PLCL1: variants seen among roughly 807,000 people sequenced by gnomAD.
PLCL1 encodes inactive phospholipase C-like protein 1.
PLCL1 carries 41 observed loss-of-function variants against 84.4 expected under a neutral mutation model. That is an observed-to-expected ratio of 0.49 (90% CI 0.38 to 0.63). PLCL1 has a LOEUF of 0.63. Ranked by LOEUF, PLCL1 falls within the 30% of genes least tolerant of loss-of-function variation. The pLI, the probability that PLCL1 is intolerant of heterozygous loss-of-function variation, is 0.00. For synonymous variants in PLCL1, 490 were observed against 488.3 expected (o/e 1.00, Z -0.05); for missense variants, 1,206 against 1,367.8 (o/e 0.88, Z 1.87).
At chr2:198,061,019 T>C (rs1006468471) in intron 1 of PLCL1, among the ~76,000 whole-genome samples, 1 of 152,192 alleles carries the variant, frequency 6.6e-6, no homozygotes, top group African/African-American at 2.4e-5. Flanking sequence ...TAAGCTACTT[T>C]GGGGGTAAAC....
chr2:197,938,088 G>A (rs1689084419), intron 1 of PLCL1, among the ~76,000 whole-genome samples: 1 of 152,140 alleles, frequency 6.6e-6, no homozygotes, highest in Admixed American at 6.5e-5. Context: ...CATTTTACAA[G>A]TTTAAATTTC....
chr2:197,836,488 T>C lies in PLCL1; in HGVS notation c.240+31149T>C, dbSNP rs1476176700. Among the ~76,000 whole-genome samples, 5 of 151,418 alleles carry C rather than the reference T, an allele frequency of 3.3e-5. No individual in the cohort carries two copies. In the East Asian group the frequency reaches 9.7e-4, roughly 29 times the overall value. On this transcript the variant is annotated intron_variant, in intron 1 of 5. Coordinates refer to ENST00000428675, the MANE Select transcript of PLCL1 (RefSeq NM_006226.4). ...AAAAAAAAAAAAAAATCCTTACCTT[T>C]TGTTCAATTCACTGTCTGTCACTTC...
At chr2:198,057,192 G>A (rs1410025270) in intron 1 of PLCL1, among the ~76,000 whole-genome samples, 1 of 152,048 alleles carries the variant, frequency 6.6e-6, no homozygotes, top group African/African-American at 2.4e-5. Flanking sequence ...TAGAGTCCTC[G>A]ATGTGATTGT....
chr2:197,877,961 A>G (rs974305376), intron 1 of PLCL1, among the ~76,000 whole-genome samples: 3 of 152,156 alleles, frequency 2.0e-5, no homozygotes, highest in Admixed American at 1.3e-4. Flanking sequence ...GTTAAGAACC[A>G]TTGATTAAAC....
At chr2:197,975,834 C>A (rs1276460197) in intron 1 of PLCL1, among the ~76,000 whole-genome samples, 1 of 152,016 alleles carries the variant, frequency 6.6e-6, no homozygotes, top group Non-Finnish European at 1.5e-5. Context: ...ACAACAACAA[C>A]AACGACAACA....
intron 5 of PLCL1, among the ~76,000 whole-genome samples, chr2:198,126,032 G>A (rs1044072693): frequency 6.6e-6 from 1 of 152,006 alleles, no homozygotes; most frequent in African/African-American, 2.4e-5. Flanking sequence ...GGATAACAAA[G>A]TTTTAAAATC....
At chr2:197,988,768 A>G (rs867517937) in intron 1 of PLCL1, among the ~76,000 whole-genome samples, 78 of 152,260 alleles carry the variant, frequency 5.1e-4, no homozygotes, top group African/African-American at 1.8e-3. Context: ...CGGATGGTAG[A>G]TCAATTTTTA....
At chr2:198,037,857 A>C (rs1461691907) in intron 1 of PLCL1, among the ~76,000 whole-genome samples, 1 of 152,174 alleles carries the variant, frequency 6.6e-6, no homozygotes, top group Non-Finnish European at 1.5e-5. Context: ...GTTATTAAAT[A>C]AGGTGAGGGT....
At chr2:197,907,974 G>A (rs911494988) in intron 1 of PLCL1, among the ~76,000 whole-genome samples, 1 of 152,172 alleles carries the variant, frequency 6.6e-6, no homozygotes, top group Non-Finnish European at 1.5e-5. Flanking sequence ...TTGTACAAGA[G>A]GGTCATCTTT....
chr2:197,979,723 T>C (rs550826538), intron 1 of PLCL1, among the ~76,000 whole-genome samples: 1 of 152,316 alleles, frequency 6.6e-6, no homozygotes, highest in East Asian at 1.9e-4. Context: ...CCCAGCCACA[T>C]TGAGATTTTC....
chr2:197,924,692 G>A (rs1272291450), intron 1 of PLCL1, among the ~76,000 whole-genome samples: 1 of 151,850 alleles, frequency 6.6e-6, no homozygotes, highest in African/African-American at 2.4e-5. Context: ...AGGCCTGCCT[G>A]TCAGCACAGG....
chr2:197,922,628 G>C (rs1376270228), intron 1 of PLCL1, among the ~76,000 whole-genome samples: 1 of 143,982 alleles, frequency 6.9e-6, no homozygotes, highest in Non-Finnish European at 1.5e-5. Flanking sequence ...CGGGGCGGCT[G>C]GCCGGGCAGG....
At chr2:198,105,816 T>A (rs1167352248) in intron 5 of PLCL1, among the ~76,000 whole-genome samples, 1 of 151,940 alleles carries the variant, frequency 6.6e-6, no homozygotes, top group East Asian at 1.9e-4. Flanking sequence ...AATACATTTC[T>A]TTTTGCAAAT....
rs1190977915 is a variant in PLCL1 at position 198,089,017 on chromosome 2, G to T, written c.2875G>T (p.Ala959Ser). 11 of 1,613,996 alleles carry T rather than the reference G, an allele frequency of 6.8e-6. No individual in the cohort carries two copies. Among genetic ancestry groups the T allele is most frequent in the Non-Finnish European group, 9.3e-6 (11 of 1,179,864 alleles). Residue 959 changes from alanine (A) to serine (S), a missense_variant, in exon 3 of 6, where the codon GCA becomes TCA. Transcript: ENST00000428675. ...DSFPYLEPLG[A>S]IPDVQKKMLT... ...CTTTCCTTACCTGGAGCCTCTGGGT[G>T]CAATTCCAGATGTGCAGAAAAAGAT...
intron 1 of PLCL1, among the ~76,000 whole-genome samples, chr2:198,041,907 C>G (rs771414279): frequency 6.6e-6 from 1 of 152,102 alleles, no homozygotes; most frequent in African/African-American, 2.4e-5. Context: ...AATCGGTATG[C>G]AAGAGAAACA....
chr2:197,853,607 G>A lies in PLCL1; in HGVS notation c.240+48268G>A, dbSNP rs75490152. On this transcript the variant is annotated intron_variant, in intron 1 of 5. Transcript: ENST00000428675. ...TCTAGAGCCAGTAGCAACAAAACGT[G>A]TAGTTTCTGCCTAAATCTTGCTATT... 6.0e-3 allele frequency among the ~76,000 whole-genome samples: 908 copies of A among 152,276 alleles called. 10 individuals are homozygous for A. The highest frequency in any genetic ancestry group is 0.021 in the African/African-American group (866 of 41,544).
chr2:197,811,568 T>G (rs922127173), intron 1 of PLCL1, among the ~76,000 whole-genome samples: 1 of 152,204 alleles, frequency 6.6e-6, no homozygotes, highest in African/African-American at 2.4e-5. Context: ...ATTTTGAAAA[T>G]AATAAAATCT....
At chr2:197,813,422 G>A (rs1208062230) in intron 1 of PLCL1, among the ~76,000 whole-genome samples, 1 of 152,244 alleles carries the variant, frequency 6.6e-6, no homozygotes, top group South Asian at 2.1e-4. Context: ...TATAAAAGAT[G>A]CAAAGTCATC....
At chr2:197,824,619 T>C (rs941980809) in intron 1 of PLCL1, among the ~76,000 whole-genome samples, 2 of 147,588 alleles carry the variant, frequency 1.4e-5, no homozygotes, top group Non-Finnish European at 3.0e-5. Flanking sequence ...GAGGCTGAGA[T>C]GGGAGGATTG....
Sources: gnomAD v4.1 joint callset for allele counts (sites outside exome capture counted in the v4.1 genomes callset) on GRCh38, gnomAD v4.1.1 for gene constraint, MANE v1.5 for transcripts, NCBI Gene and HGNC (gene_info 2026-07-23, HGNC 2026-07-21) for gene names.